SRPK1: variants seen among roughly 807,000 people sequenced by gnomAD.
SRPK1 encodes SRSF protein kinase 1.
In SRPK1, 52 loss-of-function variants were observed where a neutral mutation model predicts 89.5. That is an observed-to-expected ratio of 0.58 (90% CI 0.46 to 0.73). SRPK1 has a LOEUF of 0.73. SRPK1 is among the 30% of genes least tolerant of loss of function. SRPK1 has a pLI of 0.00. For missense variants in SRPK1, 603 were observed against 780.6 expected, an observed-to-expected ratio of 0.77 and a Z score of 2.71; for synonymous variants, 255 against 270.2, an observed-to-expected ratio of 0.94 and a Z score of 0.55.
rs188309414 is a variant in SRPK1 at position 35,846,076 on chromosome 6, G to T, written c.1621-3472C>A. Among the ~76,000 whole-genome samples, 4 of 152,258 alleles carry T rather than the reference G, an allele frequency of 2.6e-5. No homozygotes were observed. The East Asian group carries it at 7.7e-4, about 29-fold the overall frequency. On this transcript the variant is annotated intron_variant, in intron 13 of 15. Transcript: ENST00000373825. ...GGTTGCCAAAGAATAGGGGAAAAGG[G>T]AAACACGGAGTTTTTCTTCAATGGT...
intron 15 of SRPK1, among the ~76,000 whole-genome samples, chr6:35,837,960 CCAGATTCAAGTGATTCTCCTGTCT>C (rs1769219190): frequency 6.6e-6 from 1 of 151,928 alleles, no homozygotes; most frequent in Non-Finnish European, 1.5e-5. Flanking sequence ...CCTCCGCCTC[CCAGATTCAAGTGATTCTCCTGTCT>C]CAGCCTCCTG....
At position 35,857,294 on chromosome 6, in the gene SRPK1, A is replaced by T; in HGVS notation, c.1587T>A (p.Asn529Lys). ...CCGTGCTCCAAATGTCAGCAGGGGT[A>T]TTATAGCCAGATCCGATTAGAACTT... ...SLEVLIGSGYNTPADIWSTAC... is the reference protein window; with the variant it reads ...SLEVLIGSGYKTPADIWSTAC... The change falls in exon 13 of 16, where the codon AAT (asparagine) becomes AAA (lysine). Residue 529 changes from asparagine to lysine, a missense_variant. Coordinates refer to ENST00000373825, the MANE Select transcript of SRPK1 (RefSeq NM_003137.5). 2 of 1,613,328 alleles carry T rather than the reference A, an allele frequency of 1.2e-6. No individual in the cohort carries two copies. The highest frequency in any genetic ancestry group is 1.7e-6 in the Non-Finnish European group (2 of 1,179,622).
At position 35,897,577 on chromosome 6, in the gene SRPK1, C is replaced by T. The variant is rs750455059; in HGVS notation, c.75-6564G>A. On this transcript the variant is annotated intron_variant, in intron 2 of 15. Coordinates refer to ENST00000373825, the MANE Select transcript of SRPK1 (RefSeq NM_003137.5). Reference sequence around the variant, plus strand: ...CCGCCCAGGCTGCAGTGCAGTGGTGCTATCACGGCTCCCTCCAGCCTTGTC... The same window carrying T: ...CCGCCCAGGCTGCAGTGCAGTGGTGTTATCACGGCTCCCTCCAGCCTTGTC... Among the ~76,000 whole-genome samples the T allele has an allele frequency of 4.3e-4, 66 of 152,216 alleles. 1 individual carries two copies. Among genetic ancestry groups the T allele is most frequent in the Admixed American group, 4.1e-3 (63 of 15,286 alleles).
intron 6 of SRPK1, among the ~76,000 whole-genome samples, chr6:35,885,521 T>C (rs1162054843): frequency 1.3e-5 from 2 of 152,234 alleles, no homozygotes; most frequent in Non-Finnish European, 2.9e-5. Context: ...CCTGCTTCTC[T>C]GTTCAAATCT....
intron 6 of SRPK1, among the ~76,000 whole-genome samples, chr6:35,885,875 C>G (rs917790557): frequency 2.0e-5 from 3 of 152,024 alleles, no homozygotes; most frequent in Non-Finnish European, 2.9e-5. Flanking sequence ...CTAAAACATC[C>G]AGATAAAAAC....
At chr6:35,889,028 CAAT>C in intron 3 of SRPK1, 105 bp from the exon 4 acceptor site, 1 of 679,992 alleles carries the variant, frequency 1.5e-6, no homozygotes, top group Non-Finnish European at 2.5e-6. Flanking sequence ...TACCTTTTAT[CAAT>C]AAAAAGTTTC....
At chr6:35,884,429 A>G (rs543698150) in intron 6 of SRPK1, among the ~76,000 whole-genome samples, 11 of 152,348 alleles carry the variant, frequency 7.2e-5, no homozygotes, top group African/African-American at 2.4e-4. Context: ...CTGAACAAAC[A>G]TACACACGAA....
intron 6 of SRPK1, among the ~76,000 whole-genome samples, chr6:35,886,137 T>TG (rs1359649728): frequency 1.3e-5 from 2 of 150,912 alleles, no homozygotes; most frequent in Non-Finnish European, 3.0e-5. Context: ...TGGAGTGCAG[T>TG]GGGCTCAATC....
chr6:35,876,451 G>A (rs892936965), intron 6 of SRPK1, among the ~76,000 whole-genome samples: 4 of 152,072 alleles, frequency 2.6e-5, no homozygotes, highest in Admixed American at 6.6e-5. Context: ...ACCAGCCTGG[G>A]CAACAAGGTG....
chr6:35,836,638 C>T (rs1344698004), intron 15 of SRPK1, among the ~76,000 whole-genome samples: 1 of 151,758 alleles, frequency 6.6e-6, no homozygotes, highest in Non-Finnish European at 1.5e-5. Flanking sequence ...GCCTGTGGTC[C>T]TAGCTACTTG....
chr6:35,880,746 A>AAAAAAAAAAAAAAAAAAAAAAAAAG (rs1770263877), intron 6 of SRPK1, among the ~76,000 whole-genome samples: 1 of 89,204 alleles, frequency 1.1e-5, no homozygotes, highest in African/African-American at 4.5e-5. Flanking sequence ...AAAAAAAAAA[A>AAAAAAAAAAAAAAAAAAAAAAAAAG]AAAAGAAAAG....
intron 6 of SRPK1, among the ~76,000 whole-genome samples, chr6:35,885,976 A>AG (rs1770399374): frequency 6.6e-6 from 1 of 152,216 alleles, no homozygotes; most frequent in Non-Finnish European, 1.5e-5. Flanking sequence ...GCCTCTTCAA[A>AG]GTTGAGGCTT....
chr6:35,886,377 G>A (rs928954790), intron 6 of SRPK1, among the ~76,000 whole-genome samples: 2 of 152,100 alleles, frequency 1.3e-5, no homozygotes, highest in African/African-American at 4.8e-5. Flanking sequence ...ACCGTGCCCG[G>A]CCTACTCAGT....
chr6:35,915,413 A>AAAG (rs1316588839), intron 2 of SRPK1, among the ~76,000 whole-genome samples: 1 of 151,578 alleles, frequency 6.6e-6, no homozygotes, highest in Admixed American at 6.6e-5. Context: ...TCTCAAAAAA[A>AAAG]AAAAAAAAAA....
chr6:35,838,338 T>C lies in SRPK1; in HGVS notation c.1782A>G (p.Lys594=). Residue 594 remains lysine (K), a splice_region_variant and synonymous_variant, in exon 15 of 16, where the codon AAA becomes AAG. Coordinates refer to ENST00000373825, the MANE Select transcript of SRPK1 (RefSeq NM_003137.5). The part of the protein sequence containing the change: ...GKYSKEFFTK[K]GDLKHITKLK... Reference sequence around the variant, plus strand: ...TGTCTGGGAACACATTTACTTTACCTTTTTTGGTGAAAAATTCCTTGGAAT... The same window carrying C: ...TGTCTGGGAACACATTTACTTTACCCTTTTTGGTGAAAAATTCCTTGGAAT... The C allele has an allele frequency of 1.3e-6, 2 of 1,560,860 alleles. No individual in the cohort carries two copies. Among genetic ancestry groups the C allele is most frequent in the Non-Finnish European group, 1.7e-6 (2 of 1,161,584 alleles).
chr6:35,906,532 TTAAG>T (rs1223980438), intron 2 of SRPK1, among the ~76,000 whole-genome samples: 1 of 152,122 alleles, frequency 6.6e-6, no homozygotes, highest in Non-Finnish European at 1.5e-5. Context: ...ATTAAAAACA[TTAAG>T]TAAAAGAAGC....
chr6:35,916,970 G>C (rs1281127537), intron 2 of SRPK1, among the ~76,000 whole-genome samples: 1 of 152,186 alleles, frequency 6.6e-6, no homozygotes, highest in African/African-American at 2.4e-5. Context: ...TGAGGCAGGA[G>C]AATGGCTTGA....
At chr6:35,919,113 C>T (rs1021081748) in intron 2 of SRPK1, among the ~76,000 whole-genome samples, 5 of 152,248 alleles carry the variant, frequency 3.3e-5, no homozygotes, top group Non-Finnish European at 7.3e-5. Flanking sequence ...TAGCACCTTG[C>T]TGTTTCTATT....
At chr6:35,890,512 C>T (rs1328579377) in intron 3 of SRPK1, among the ~76,000 whole-genome samples, 4 of 152,186 alleles carry the variant, frequency 2.6e-5, no homozygotes, top group Non-Finnish European at 5.9e-5. Context: ...TCCAGTTTAA[C>T]TTAACAGCCA....
Sources: gnomAD v4.1 joint callset for allele counts (sites outside exome capture counted in the v4.1 genomes callset) on GRCh38, gnomAD v4.1.1 for gene constraint, MANE v1.5 for transcripts, NCBI Gene and HGNC (gene_info 2026-07-23, HGNC 2026-07-21) for gene names.